Variants in UBE2J1 observed in about 807,000 individuals in gnomAD.
UBE2J1 encodes ubiquitin-conjugating enzyme E2 J1.
A neutral mutation model predicts 42.1 loss-of-function variants in UBE2J1; 17 were observed. The observed-to-expected ratio is 0.40, with a 90% CI of 0.28 to 0.61. The LOEUF (loss-of-function observed/expected upper bound fraction) is 0.61. UBE2J1 is among the 20% of genes least tolerant of loss of function. The pLI is 0.38. For missense variants in UBE2J1, 291 were observed against 389.4 expected (o/e 0.75, Z 2.13); for synonymous variants, 127 against 137.2 (o/e 0.93, Z 0.52).
chr6:89,338,509 C>T lies in UBE2J1; in HGVS notation c.272G>A (p.Cys91Tyr). The T allele has an allele frequency of 6.3e-7, 1 of 1,595,514 alleles. No individual in the cohort carries two copies. Among genetic ancestry groups the T allele is most frequent in the Non-Finnish European group, 8.5e-7 (1 of 1,175,074 alleles). ...NGRFEVGKKI[C>Y]LSISGHHPET... ...AGGATGATGGCCTGAGATGCTCAAA[C>T]AGATTTTCTTGCCCACTTCAAATCG... The change falls in exon 4 of 8, where the codon TGT (cysteine) becomes TAT (tyrosine). Residue 91 changes from cysteine to tyrosine, a missense_variant. Cys to Tyr is a radical substitution (Grantham distance 194). Transcript: ENST00000435041.
intron 1 of UBE2J1, among the ~76,000 whole-genome samples, chr6:89,350,976 A>C (rs534950614): frequency 6.6e-6 from 1 of 151,650 alleles, no homozygotes; most frequent in African/African-American, 2.4e-5. Context: ...AATGTAAATA[A>C]TTCAATCATT....
In UBE2J1 at chr6:89,329,258, C is replaced by A; in HGVS notation, c.*421G>T. ...GTTTTGCTTTCCCTTTTCAACTCTTCTATCCCTATACATTCTACATACGTA... is the reference window on the plus strand; with the variant it reads ...GTTTTGCTTTCCCTTTTCAACTCTTATATCCCTATACATTCTACATACGTA... On this transcript the variant is annotated 3_prime_UTR_variant, in exon 8 of 8. Transcript: ENST00000435041. 5.8e-6 allele frequency: 1 copy of A among 172,688 alleles called. No individual in the cohort carries two copies. Among genetic ancestry groups the A allele is most frequent in the Non-Finnish European group, 1.2e-5 (1 of 82,466 alleles). 10.7% of individuals were successfully genotyped at this position (172,688 alleles called of 1,614,324 possible).
intron 7 of UBE2J1, among the ~76,000 whole-genome samples, chr6:89,332,348 T>C (rs921893499): frequency 1.3e-5 from 2 of 152,224 alleles, no homozygotes; most frequent in African/African-American, 4.8e-5. Flanking sequence ...GTCATATTTT[T>C]TAAATCACTC....
chr6:89,338,657 G>A (rs201039608), intron 3 of UBE2J1, 114 bp from the exon 4 acceptor site: 1 of 102,410 alleles, frequency 9.8e-6, no homozygotes, highest in South Asian at 3.3e-4. Flanking sequence ...TAAAAAGTTT[G>A]TTTTTTTTTT....
intron 6 of UBE2J1, 27 bp downstream of exon 6, chr6:89,335,275 T>C (rs1170047846): frequency 1.3e-6 from 2 of 1,538,372 alleles, no homozygotes; most frequent in South Asian, 1.3e-5. Context: ...GTTGCAAGAT[T>C]AGCATTTATT....
rs1340391905 is a variant in UBE2J1 at position 89,329,246 on chromosome 6, T to C, written c.*433A>G. ...GCTACTTGAGGAGTTTTGCTTTCCC[T>C]TTTCAACTCTTCTATCCCTATACAT... is the stretch of plus-strand genomic sequence containing the variant. On this transcript the variant is annotated 3_prime_UTR_variant, in exon 8 of 8. Coordinates refer to ENST00000435041, the MANE Select transcript of UBE2J1 (RefSeq NM_016021.3). 1.9e-5 allele frequency: 3 copies of C among 158,578 alleles called. No individual in the cohort carries two copies. The highest frequency in any genetic ancestry group is 4.1e-5 in the Non-Finnish European group (3 of 72,758). 9.8% of individuals were successfully genotyped at this position (158,578 alleles called of 1,614,324 possible). A position where few individuals can be genotyped will look rare whatever the true frequency, so the allele number is the denominator to read the frequency against.
intron 6 of UBE2J1, among the ~76,000 whole-genome samples, chr6:89,333,546 T>C (rs73506038): frequency 0.045 from 6,907 of 152,344 alleles, 243 homozygotes; most frequent in African/African-American, 0.096. Context: ...AACCTATGAA[T>C]AGTCTTTATC....
chr6:89,335,297 AG>A lies in UBE2J1; in HGVS notation c.558+4del, dbSNP rs1562413500. The A allele has an allele frequency of 2.6e-6, 4 of 1,559,818 alleles. No homozygotes were observed. The highest frequency in any genetic ancestry group is 2.3e-5 in the East Asian group (1 of 43,556). Reference sequence around the variant, plus strand: ...GATTAGCATTTATTTAAGAATTTATAGTACCTTAAAGCTTATTTGCCTAGCC... The same window carrying A: ...GATTAGCATTTATTTAAGAATTTATATACCTTAAAGCTTATTTGCCTAGCC... On this transcript the variant is annotated splice_donor_region_variant and intron_variant, in intron 6 of 7. Coordinates refer to ENST00000435041, the MANE Select transcript of UBE2J1 (RefSeq NM_016021.3).
Position 89,348,681 on chromosome 6 carries a change from C to T in UBE2J1, c.31+3858G>A, listed in dbSNP as rs114201561. On this transcript the variant is annotated intron_variant, in intron 1 of 7. Transcript: ENST00000435041. Reference sequence around the variant, plus strand: ...TGACCAAGACCTGCTTCTTGTCTTCCGTAACAGTCAGTAGAGAAAGACATG... The same window carrying T: ...TGACCAAGACCTGCTTCTTGTCTTCTGTAACAGTCAGTAGAGAAAGACATG... Among the ~76,000 whole-genome samples, 1,487 of 152,192 alleles carry T rather than the reference C, an allele frequency of 9.8e-3. 27 individuals are homozygous for T. The highest frequency in any genetic ancestry group is 0.032 in the African/African-American group (1,321 of 41,530).
At chr6:89,343,560 G>T (rs1582486683) in intron 2 of UBE2J1, 123 bp downstream of exon 2, 1 of 537,800 alleles carries the variant, frequency 1.9e-6, no homozygotes, top group Non-Finnish European at 3.1e-6. Context: ...CATGAAATAT[G>T]GTGAATAAAA....
chr6:89,338,908 GC>G (rs1362455016), intron 3 of UBE2J1, among the ~76,000 whole-genome samples: 12 of 151,918 alleles, frequency 7.9e-5, no homozygotes, highest in Non-Finnish European at 1.6e-4. Flanking sequence ...CTTGTGATCT[GC>G]CCACCTTGGC....
intron 3 of UBE2J1, among the ~76,000 whole-genome samples, chr6:89,339,371 A>T (rs1282797486): frequency 7.3e-6 from 1 of 137,488 alleles, no homozygotes; most frequent in Non-Finnish European, 1.6e-5. Context: ...TCAAGGCCAC[A>T]GTGAACTATG....
intron 3 of UBE2J1, among the ~76,000 whole-genome samples, chr6:89,339,889 G>A (rs1179725899): frequency 6.6e-6 from 1 of 151,928 alleles, no homozygotes; most frequent in Admixed American, 6.6e-5. Flanking sequence ...TGGTATGTGT[G>A]ACTATAGTCT....
Position 89,328,068 on chromosome 6 carries a change from AAAC to A in UBE2J1, c.*1608_*1610del, listed in dbSNP as rs1468956348. ...GCTACAGATATAAAAAATAATCTGTAAACACCTTTAAAATGCGAATTTATTAAA... is the reference window on the plus strand; with the variant it reads ...GCTACAGATATAAAAAATAATCTGTAACCTTTAAAATGCGAATTTATTAAA... On this transcript the variant is annotated 3_prime_UTR_variant, in exon 8 of 8. Transcript: ENST00000435041. The A allele has an allele frequency of 2.0e-5, 3 of 152,228 alleles. No homozygotes were observed. Among genetic ancestry groups the A allele is most frequent in the African/African-American group, 7.2e-5 (3 of 41,464 alleles). The allele number at this position is 152,228 out of a possible 1,614,324, so 9.4% of individuals were successfully genotyped here. A position where few individuals can be genotyped will look rare whatever the true frequency, so the allele number is the denominator to read the frequency against.
intron 1 of UBE2J1, among the ~76,000 whole-genome samples, chr6:89,345,159 C>T (rs1768334900): frequency 6.6e-6 from 1 of 152,066 alleles, no homozygotes. Context: ...AGAAACTCCC[C>T]AGGTAGATAT....
intron 3 of UBE2J1, 129 bp from the exon 4 acceptor site, chr6:89,338,672 T>TG (rs1562416662): frequency 2.4e-5 from 6 of 252,384 alleles, no homozygotes; most frequent in Non-Finnish European, 2.6e-5. Context: ...TTTTTTTTTT[T>TG]TTTTTTTTTT....
At chr6:89,336,760 T>A (rs1006681589) in intron 5 of UBE2J1, among the ~76,000 whole-genome samples, 21 of 152,168 alleles carry the variant, frequency 1.4e-4, no homozygotes, top group African/African-American at 4.6e-4. Flanking sequence ...CTGAGTCAGA[T>A]GAACCTTAAG....
At chr6:89,348,007 C>A (rs1037679649) in intron 1 of UBE2J1, among the ~76,000 whole-genome samples, 1 of 152,164 alleles carries the variant, frequency 6.6e-6, no homozygotes, top group Non-Finnish European at 1.5e-5. Context: ...TGATATGGCT[C>A]CCTGGCTCCT....
intron 1 of UBE2J1, among the ~76,000 whole-genome samples, chr6:89,350,919 G>C (rs1031257224): frequency 1.3e-5 from 2 of 151,858 alleles, no homozygotes; most frequent in Non-Finnish European, 1.5e-5. Context: ...TGTGACCAGG[G>C]AGCCACCATA....
Sources: allele counts gnomAD v4.1 joint callset (sites outside exome capture counted in the v4.1 genomes callset), GRCh38; gene constraint gnomAD v4.1.1; transcripts MANE v1.5; gene names NCBI Gene and HGNC (gene_info 2026-07-23, HGNC 2026-07-21).